The following SFSWAP variants were observed in gnomAD, a reference collection of about 807,000 sequenced individuals.
SFSWAP encodes splicing factor, suppressor of white-apricot homolog.
Under a neutral mutation model 100.7 loss-of-function variants are expected in SFSWAP, and 17 were observed. That is an observed-to-expected ratio of 0.17 (90% CI 0.12 to 0.25). SFSWAP has a LOEUF of 0.25. Among genes scored for constraint, SFSWAP ranks in the 10% least tolerant of loss-of-function variants. The pLI, the probability that SFSWAP is intolerant of heterozygous loss-of-function variation, is 1.00. For synonymous variants in SFSWAP, 504 were observed against 510.1 expected (o/e 0.99, Z 0.16); for missense variants, 1,005 against 1,262.6 (o/e 0.80, Z 3.09).
At chr12:131,738,049 T>G (rs1205766783) in intron 7 of SFSWAP, among the ~76,000 whole-genome samples, 1 of 152,174 alleles carries the variant, frequency 6.6e-6, no homozygotes, top group African/African-American at 2.4e-5. Flanking sequence ...TGTGATAGCC[T>G]GTGGGTTTTT....
chr12:131,747,730 T>C (rs558203305), intron 7 of SFSWAP, among the ~76,000 whole-genome samples: 19 of 152,234 alleles, frequency 1.2e-4, no homozygotes, highest in African/African-American at 3.6e-4. Flanking sequence ...ACCTCCTGCA[T>C]TGGGGGACTA....
intron 4 of SFSWAP, chr12:131,723,456 A>C (rs1337823659): frequency 6.6e-6 from 1 of 152,206 alleles, no homozygotes; most frequent in Non-Finnish European, 1.5e-5. Context: ...CAAGAGTTTG[A>C]AAATATTTTC....
chr12:131,761,213 A>G (rs560133297), intron 11 of SFSWAP, among the ~76,000 whole-genome samples: 1 of 152,306 alleles, frequency 6.6e-6, no homozygotes, highest in East Asian at 1.9e-4. Context: ...CTATTTGCTC[A>G]TATGTTTTCA....
intron 7 of SFSWAP, among the ~76,000 whole-genome samples, chr12:131,744,098 C>G (rs1245153473): frequency 6.6e-6 from 1 of 152,202 alleles, no homozygotes; most frequent in Non-Finnish European, 1.5e-5. Flanking sequence ...GGCCTCCAGG[C>G]CTGTGATGGG....
intron 3 of SFSWAP, among the ~76,000 whole-genome samples, chr12:131,718,180 G>A (rs1397387302): frequency 1.3e-5 from 2 of 152,214 alleles, no homozygotes; most frequent in Admixed American, 1.3e-4. Context: ...CCAAGTTTTT[G>A]TATACCAGGA....
chr12:131,731,404 G>A (rs1879499818), intron 7 of SFSWAP, among the ~76,000 whole-genome samples: 1 of 152,204 alleles, frequency 6.6e-6, no homozygotes, highest in Admixed American at 6.5e-5. Context: ...AGTTTCGTGG[G>A]TGAAAGTCCC....
Position 131,714,334 on chromosome 12 carries a change from T to A in SFSWAP, c.388+94T>A. On this transcript the variant is annotated intron_variant, in intron 2 of 17. Coordinates refer to ENST00000261674, the MANE Select transcript of SFSWAP (RefSeq NM_004592.4). The surrounding 1 kb of genome is among the most constrained non-coding windows in gnomAD (Gnocchi z 6.0). ...CCCATTCATTTTTTTATACTCACTC[T>A]TTCTGATATTATCTTGACAGTACCC... 9.6e-7 allele frequency: 1 copy of A among 1,041,188 alleles called. No homozygotes were observed. Among genetic ancestry groups the A allele is most frequent in the Non-Finnish European group, 1.4e-6 (1 of 714,844 alleles). The allele number at this position is 1,041,188 out of a possible 1,614,324, so 64.5% of individuals were successfully genotyped here. A position where few individuals can be genotyped will look rare whatever the true frequency, so the allele number is the denominator to read the frequency against.
chr12:131,792,856 A>G (rs1328767637), intron 15 of SFSWAP, among the ~76,000 whole-genome samples: 2 of 152,224 alleles, frequency 1.3e-5, no homozygotes, highest in Non-Finnish European at 2.9e-5. Flanking sequence ...ACAAACTCCA[A>G]AGCGTGTGTG....
chr12:131,799,400 C>A (rs1885912652), intron 17 of SFSWAP, 23 bp from the exon 18 acceptor site: 1 of 1,612,676 alleles, frequency 6.2e-7, no homozygotes, highest in Non-Finnish European at 8.5e-7. Flanking sequence ...CACAGGTTCT[C>A]CTCTGTGTCT....
At chr12:131,724,728 G>A (rs1169172753) in intron 4 of SFSWAP, among the ~76,000 whole-genome samples, 1 of 152,248 alleles carries the variant, frequency 6.6e-6, no homozygotes, top group Non-Finnish European at 1.5e-5. Flanking sequence ...ATGAAGGGAT[G>A]GGGGAGGGCT....
intron 13 of SFSWAP, among the ~76,000 whole-genome samples, chr12:131,770,174 T>C (rs764937522): frequency 1.1e-4 from 17 of 152,370 alleles, no homozygotes; most frequent in Non-Finnish European, 1.9e-4. Context: ...TTGACTTTAC[T>C]AAGTATTCTA....
At chr12:131,774,741 T>C (rs1359179843) in intron 13 of SFSWAP, among the ~76,000 whole-genome samples, 1 of 145,310 alleles carries the variant, frequency 6.9e-6, no homozygotes, top group Admixed American at 7.0e-5. Context: ...ACAACAGCTC[T>C]AGTTTTCACC....
chr12:131,796,142 A>G (rs941294949), intron 15 of SFSWAP: 1 of 152,314 alleles, frequency 6.6e-6, no homozygotes, highest in Non-Finnish European at 1.5e-5. Flanking sequence ...ACTCAGGGCC[A>G]GAAGCGCAGG....
In SFSWAP at chr12:131,711,532, A is replaced by G. The variant is rs904864960; in HGVS notation, c.218+85A>G. The G allele has an allele frequency of 1.3e-5, 15 of 1,198,794 alleles. No homozygotes were observed. In the Admixed American group the frequency reaches 1.3e-4, roughly 11 times the overall value. The allele number at this position is 1,198,794 out of a possible 1,614,324, so 74.3% of individuals were successfully genotyped here. A position where few individuals can be genotyped will look rare whatever the true frequency, so the allele number is the denominator to read the frequency against. ...ATGTTGACTTGACTGCAAGGACTGC[A>G]GAGAGTTTTCTGGAGCCAGCGGGGA... On this transcript the variant is annotated intron_variant, in intron 1 of 17. Transcript: ENST00000261674. This position sits in a 1 kb window ranked among gnomAD's most constrained non-coding sequence, Gnocchi z 4.9.
At chr12:131,738,722 CTT>C (rs2136204264) in intron 7 of SFSWAP, among the ~76,000 whole-genome samples, 1 of 152,082 alleles carries the variant, frequency 6.6e-6, no homozygotes, top group South Asian at 2.1e-4. Context: ...TCTCGAACAT[CTT>C]TGTATTAACA....
In SFSWAP at chr12:131,711,473, TCCTTC is replaced by T. The variant is rs766903191; in HGVS notation, c.218+35_218+39del. The stretch of plus-strand genomic sequence containing the variant: ...GTCGGTTCCTCTCCCCACCCGTCGA[TCCTTC>T]CCTTCCCTCACCCGCTTGATCTCGT... On this transcript the variant is annotated intron_variant, in intron 1 of 17. Transcript: ENST00000261674. The surrounding 1 kb of genome is among the most constrained non-coding windows in gnomAD (Gnocchi z 4.9). The T allele has an allele frequency of 1.3e-6, 2 of 1,567,496 alleles. No homozygotes were observed. Among genetic ancestry groups the T allele is most frequent in the Non-Finnish European group, 1.8e-6 (2 of 1,139,938 alleles).
At position 131,734,950 on chromosome 12, in the gene SFSWAP, A is replaced by T. The variant is rs1879863438; in HGVS notation, c.1081+6522A>T. Among the ~76,000 whole-genome samples the T allele has an allele frequency of 1.3e-5, 2 of 152,192 alleles. No individual in the cohort carries two copies. The highest frequency in any genetic ancestry group is 2.1e-4 in the South Asian group (1 of 4,828). ...GGGGGGCCCGCTCCGAGAGACAGAC[A>T]GGTCAGGCCGGAAGCGACTGTCCGT... On this transcript the variant is annotated intron_variant, in intron 7 of 17. Transcript: ENST00000261674. This position sits in a 1 kb window ranked among gnomAD's most constrained non-coding sequence, Gnocchi z 4.9.
chr12:131,754,004 G>A (rs1275106121), intron 8 of SFSWAP, among the ~76,000 whole-genome samples: 1 of 152,208 alleles, frequency 6.6e-6, no homozygotes, highest in Non-Finnish European at 1.5e-5. Context: ...GAGCAAGTCA[G>A]ACAGGAAATG....
intron 3 of SFSWAP, among the ~76,000 whole-genome samples, chr12:131,716,393 G>A (rs944433643): frequency 3.3e-5 from 5 of 152,304 alleles, no homozygotes; most frequent in East Asian, 1.9e-4. Flanking sequence ...GGTCTAAAAC[G>A]TAAACACCCA....
Sources: gnomAD v4.1 joint callset for allele counts (sites outside exome capture counted in the v4.1 genomes callset) on GRCh38, gnomAD v4.1.1 for gene constraint, Gnocchi (gnomAD v3.1) non-coding constraint, MANE v1.5 for transcripts, NCBI Gene and HGNC (gene_info 2026-07-23, HGNC 2026-07-21) for gene names.